AOPEP: variants seen among roughly 807,000 people sequenced by gnomAD.
The protein encoded by AOPEP is aminopeptidase O.
A neutral mutation model predicts 98.1 loss-of-function variants in AOPEP; 77 were observed. The observed-to-expected ratio is 0.78, with a 90% CI of 0.65 to 0.95. AOPEP has a LOEUF of 0.95. Ranked by LOEUF, AOPEP falls within the 40% of genes least tolerant of loss-of-function variation. The pLI is 0.00. For missense variants in AOPEP, 1,024 were observed against 1,024.7 expected (o/e 1.00, Z 0.01); for synonymous variants, 346 against 365.3 (o/e 0.95, Z 0.60).
intron 1 of AOPEP, among the ~76,000 whole-genome samples, chr9:94,731,263 T>A (rs1354953380): frequency 1.3e-5 from 2 of 152,074 alleles, no homozygotes; most frequent in Non-Finnish European, 2.9e-5. Flanking sequence ...AGTCTCGCTC[T>A]GTCGCCCAGG....
intron 13 of AOPEP, among the ~76,000 whole-genome samples, chr9:95,025,521 G>A (rs939968457): frequency 6.6e-6 from 1 of 152,206 alleles, no homozygotes; most frequent in African/African-American, 2.4e-5. Flanking sequence ...AGTTTAGTAG[G>A]TACTTGGCAA....
At chr9:94,872,990 A>G (rs373356175) in intron 5 of AOPEP, among the ~76,000 whole-genome samples, 1 of 152,300 alleles carries the variant, frequency 6.6e-6, no homozygotes, top group African/African-American at 2.4e-5. Flanking sequence ...AGGAGAGGCA[A>G]TAAGGAAAGG....
chr9:94,844,741 A>G (rs1336443453), intron 5 of AOPEP, among the ~76,000 whole-genome samples: 2 of 152,116 alleles, frequency 1.3e-5, no homozygotes, highest in East Asian at 1.9e-4. Flanking sequence ...GACAAATCCA[A>G]AATCTGTGCC....
intron 10 of AOPEP, among the ~76,000 whole-genome samples, chr9:94,973,242 G>A (rs1361888225): frequency 2.0e-5 from 3 of 152,290 alleles, no homozygotes; most frequent in South Asian, 2.1e-4. Context: ...GCTGAAGACA[G>A]GAGCCAAAAG....
At chr9:94,915,676 C>A (rs545815276) in intron 5 of AOPEP, among the ~76,000 whole-genome samples, 2 of 152,332 alleles carry the variant, frequency 1.3e-5, no homozygotes, top group South Asian at 4.1e-4. Flanking sequence ...GCGCTCAGGC[C>A]TCTTGTTGTA....
intron 5 of AOPEP, among the ~76,000 whole-genome samples, chr9:94,912,391 C>A (rs2052180022): frequency 6.6e-6 from 1 of 152,074 alleles, no homozygotes; most frequent in African/African-American, 2.4e-5. Context: ...CAGCCCCCGA[C>A]CCCCATGCTC....
At chr9:94,730,623 A>C (rs1356118472) in intron 1 of AOPEP, among the ~76,000 whole-genome samples, 4 of 152,236 alleles carry the variant, frequency 2.6e-5, no homozygotes, top group Non-Finnish European at 5.9e-5. Flanking sequence ...GGATCTCTCT[A>C]TCTTCGGACA....
the AOPEP span, among the ~76,000 whole-genome samples, chr9:95,139,026 C>T: frequency 6.6e-6 from 1 of 152,196 alleles, no homozygotes; most frequent in Non-Finnish European, 1.5e-5. Context: ...TCTTTGTAAT[C>T]ACCCCTGAAT....
chr9:94,908,514 G>C (rs2051510897), intron 5 of AOPEP, among the ~76,000 whole-genome samples: 1 of 152,202 alleles, frequency 6.6e-6, no homozygotes, highest in Non-Finnish European at 1.5e-5. Context: ...ACATTTGTGG[G>C]ATGTTTGCTG....
chr9:94,772,393 C>T (rs1286961915), intron 2 of AOPEP, among the ~76,000 whole-genome samples: 1 of 152,154 alleles, frequency 6.6e-6, no homozygotes, highest in African/African-American at 2.4e-5. Flanking sequence ...GACTTGGTAA[C>T]GACTCTGCGC....
intron 13 of AOPEP, among the ~76,000 whole-genome samples, chr9:95,013,704 T>TTGCA (rs1428739881): frequency 1.3e-5 from 2 of 152,230 alleles, no homozygotes; most frequent in Admixed American, 1.3e-4. Flanking sequence ...TCCTGGTTTT[T>TTGCA]TGCATGTTTT....
intron 13 of AOPEP, among the ~76,000 whole-genome samples, chr9:95,046,751 C>A (rs2065901667): frequency 6.6e-6 from 1 of 152,172 alleles, no homozygotes; most frequent in Non-Finnish European, 1.5e-5. Flanking sequence ...ATCTGCAGAA[C>A]AAGTGTTTGG....
intron 9 of AOPEP, among the ~76,000 whole-genome samples, chr9:94,963,307 T>C (rs1035195638): frequency 1.3e-5 from 2 of 152,224 alleles, no homozygotes; most frequent in African/African-American, 4.8e-5. Flanking sequence ...CTGCTTTCTG[T>C]TGAATACTTT....
intron 13 of AOPEP, among the ~76,000 whole-genome samples, chr9:95,028,484 C>T (rs2064025127): frequency 6.6e-6 from 1 of 152,194 alleles, no homozygotes; most frequent in African/African-American, 2.4e-5. Flanking sequence ...AAACTGGTGT[C>T]TAATATTTGG....
chr9:94,943,280 A>G (rs889612199), intron 7 of AOPEP, among the ~76,000 whole-genome samples: 3 of 152,242 alleles, frequency 2.0e-5, no homozygotes, highest in African/African-American at 7.2e-5. Context: ...AACAATAAAG[A>G]CAAATGACCC....
intron 7 of AOPEP, among the ~76,000 whole-genome samples, chr9:94,938,971 C>T (rs148710457): frequency 5.3e-5 from 8 of 152,160 alleles, no homozygotes; most frequent in African/African-American, 1.7e-4. Context: ...GCTTCTAGGC[C>T]GGGCGCGGTG....
chr9:94,940,801 G>C (rs866459523), intron 7 of AOPEP, among the ~76,000 whole-genome samples: 1 of 151,854 alleles, frequency 6.6e-6, no homozygotes, highest in African/African-American at 2.4e-5. Context: ...AGCCTGGCTC[G>C]TCCCCTCATG....
At chr9:95,043,681 T>G (rs76919305) in intron 13 of AOPEP, among the ~76,000 whole-genome samples, 8 of 120,608 alleles carry the variant, frequency 6.6e-5, no homozygotes, top group South Asian at 6.0e-4. Context: ...GTTTTGTTTT[T>G]GAGACAGGAT....
chr9:94,736,640 T>C (rs1009711694), intron 1 of AOPEP, among the ~76,000 whole-genome samples: 9 of 152,248 alleles, frequency 5.9e-5, no homozygotes, highest in African/African-American at 2.2e-4. Flanking sequence ...CTGGGTGGTC[T>C]GATACCACCT....
Sources: allele counts gnomAD v4.1 joint callset (sites outside exome capture counted in the v4.1 genomes callset), GRCh38; gene constraint gnomAD v4.1.1; transcripts MANE v1.5; gene names NCBI Gene and HGNC (gene_info 2026-07-23, HGNC 2026-07-21).